Variants in WRN observed in about 807,000 individuals in gnomAD.
WRN encodes WRN RecQ like helicase.
A neutral mutation model predicts 180.7 loss-of-function variants in WRN; 149 were observed. The ratio of observed to expected loss-of-function variants is 0.82; its 90% CI spans 0.72 to 0.94. The LOEUF (loss-of-function observed/expected upper bound fraction) is 0.94. Ranked by LOEUF, WRN falls within the 40% of genes least tolerant of loss-of-function variation. The pLI is 0.00. For missense variants in WRN, 1,661 were observed against 1,700.1 expected, an observed-to-expected ratio of 0.98 and a Z score of 0.40; for synonymous variants, 548 against 568.9, an observed-to-expected ratio of 0.96 and a Z score of 0.52.
intron 1 of WRN, among the ~76,000 whole-genome samples, chr8:31,036,734 G>A (rs1811465755): frequency 6.6e-6 from 1 of 151,974 alleles, no homozygotes; most frequent in Non-Finnish European, 1.5e-5. Flanking sequence ...TGAGTTGTTT[G>A]ACATCCTTAA....
chr8:31,131,160 C>CTTTTTTTTTT (rs71206302), intron 23 of WRN, among the ~76,000 whole-genome samples: 1,258 of 106,796 alleles, frequency 0.012, 53 homozygotes, highest in African/African-American at 0.04. Context: ...TTGCAACTTT[C>CTTTTTTTTTT]TTTTTTTTTG....
chr8:31,091,777 T>C, intron 15 of WRN, 53 bp from the exon 16 acceptor site: 1 of 1,431,958 alleles, frequency 7.0e-7, no homozygotes. Context: ...AAGAGTGAAA[T>C]TGATATGTGT....
chr8:31,087,755 AG>A lies in WRN; in HGVS notation c.1432-20del. 6.2e-7 allele frequency: 1 copy of A among 1,610,702 alleles called. No homozygotes were observed. Among genetic ancestry groups the A allele is most frequent in the Non-Finnish European group, 8.5e-7 (1 of 1,177,528 alleles). ...GACACTGTCAGTGGTTTTGCTTTTA[AG>A]ATTTCTTTTAAACTTTCAGTCTTTA... On this transcript the variant is annotated intron_variant, in intron 11 of 34. Coordinates refer to ENST00000298139, the MANE Select transcript of WRN (RefSeq NM_000553.6).
At chr8:31,162,214 C>A (rs990239295) in intron 33 of WRN, among the ~76,000 whole-genome samples, 1 of 152,128 alleles carries the variant, frequency 6.6e-6, no homozygotes, top group Non-Finnish European at 1.5e-5. Context: ...ACATATTGTA[C>A]AGCTATACAA....
At chr8:31,155,447 C>A (rs928346437) in intron 32 of WRN, among the ~76,000 whole-genome samples, 1 of 151,842 alleles carries the variant, frequency 6.6e-6, no homozygotes, top group Non-Finnish European at 1.5e-5. Flanking sequence ...CATAGGGAGA[C>A]CCTGTCTTTA....
chr8:31,118,846 C>A (rs1054052399), intron 20 of WRN, among the ~76,000 whole-genome samples: 2 of 151,792 alleles, frequency 1.3e-5, no homozygotes, highest in Non-Finnish European at 2.9e-5. Flanking sequence ...TTTCATTTCC[C>A]CTTTCAAGAT....
Position 31,085,332 on chromosome 8 carries a change from G to T in WRN, c.1431+86G>T, listed in dbSNP as rs1813488707. 4 of 1,424,304 alleles carry T rather than the reference G, an allele frequency of 2.8e-6. No individual in the cohort carries two copies. The Admixed American group carries it at 5.5e-5, about 20-fold the overall frequency. 88.2% of individuals were successfully genotyped at this position (1,424,304 alleles called of 1,614,324 possible). A position where few individuals can be genotyped will look rare whatever the true frequency, so the allele number is the denominator to read the frequency against. ...AAAATATTAACTAATTCTAAACCAGGTTCCACCACAATGAAATTGCTACTA... is the reference window on the plus strand; with the variant it reads ...AAAATATTAACTAATTCTAAACCAGTTTCCACCACAATGAAATTGCTACTA... On this transcript the variant is annotated intron_variant, in intron 11 of 34. Coordinates refer to ENST00000298139, the MANE Select transcript of WRN (RefSeq NM_000553.6).
intron 31 of WRN, 124 bp from the exon 32 acceptor site, chr8:31,154,500 G>A (rs2130469111): frequency 8.7e-7 from 1 of 1,150,144 alleles, no homozygotes; most frequent in Non-Finnish European, 1.2e-6. Flanking sequence ...CCATAAAAAG[G>A]GAATTATTTG....
chr8:31,100,944 G>A lies in WRN; in HGVS notation c.2077G>A (p.Ala693Thr), dbSNP rs2130230065. Residue 693 changes from alanine (A) to threonine (T), a missense_variant, in exon 18 of 35, where the codon GCA (alanine) becomes ACA (threonine). By Grantham distance (58) the Ala-to-Thr change is moderately conservative. This residue lies in a region of WRN where 1,141 missense variants were observed against 1,149.4 expected (regional missense o/e 0.99). Coordinates refer to ENST00000298139, the MANE Select transcript of WRN (RefSeq NM_000553.6). ...SFRKLGSLKT[A>T]LPMVPIVALT... The stretch of plus-strand genomic sequence containing the variant: ...CAGGAAGTTGGGCTCCCTAAAGACA[G>A]CACTGCCAATGGTAAGCTTTGCCAA... 6.2e-7 allele frequency: 1 copy of A among 1,613,718 alleles called. No homozygotes were observed.
intron 7 of WRN, among the ~76,000 whole-genome samples, chr8:31,071,724 C>T (rs915640495): frequency 2.0e-5 from 3 of 152,144 alleles, no homozygotes; most frequent in Non-Finnish European, 2.9e-5. Flanking sequence ...TCAAGTCTTC[C>T]GCCCACCTCA....
At chr8:31,143,167 T>C (rs906305367) in intron 27 of WRN, among the ~76,000 whole-genome samples, 1 of 152,104 alleles carries the variant, frequency 6.6e-6, no homozygotes, top group African/African-American at 2.4e-5. Context: ...ACTAATCCAC[T>C]GGCAGACTTC....
At chr8:31,145,010 T>C (rs914520837) in intron 28 of WRN, among the ~76,000 whole-genome samples, 1 of 152,126 alleles carries the variant, frequency 6.6e-6, no homozygotes, top group African/African-American at 2.4e-5. Context: ...AGAATAAAAG[T>C]TTGAGGCCAG....
intron 24 of WRN, among the ~76,000 whole-genome samples, chr8:31,139,841 G>A (rs1292062763): frequency 6.6e-6 from 1 of 151,986 alleles, no homozygotes; most frequent in African/African-American, 2.4e-5. Context: ...TAGCTGAAAG[G>A]GAGTTTGAGA....
Position 31,083,738 on chromosome 8 carries a change from G to A in WRN, c.1309G>A (p.Val437Ile), listed in dbSNP as rs562250010. ...TGATAATGAAAACGATACGTCCTATGTAATTGAGAGTGATGAAGATTTAGA... is the reference window on the plus strand; with the variant it reads ...TGATAATGAAAACGATACGTCCTATATAATTGAGAGTGATGAAGATTTAGA... ...PNDNENDTSY[V>I]IESDEDLEME... The change falls in exon 10 of 35, where the codon GTA (valine) becomes ATA (isoleucine). Residue 437 changes from valine to isoleucine, a missense_variant. Val to Ile is a conservative substitution (Grantham distance 29). Around this residue, in one of 3 missense-constraint regions of WRN, gnomAD observed 500 missense variants for 504.1 expected, o/e 0.99. Transcript: ENST00000298139. 4.7e-5 allele frequency: 76 copies of A among 1,610,962 alleles called. No homozygotes were observed. In the South Asian group the frequency reaches 7.4e-4, roughly 16 times the overall value.
intron 28 of WRN, among the ~76,000 whole-genome samples, chr8:31,144,488 G>C (rs11574348): frequency 0.069 from 10,503 of 151,778 alleles, 423 homozygotes; most frequent in African/African-American, 0.091. Flanking sequence ...GGCGCCCCCC[G>C]ATCATGTCTG....
chr8:31,055,392 A>T (rs1344947747), intron 1 of WRN, among the ~76,000 whole-genome samples: 1 of 152,134 alleles, frequency 6.6e-6, no homozygotes, highest in East Asian at 1.9e-4. Context: ...ATTTCTCCAT[A>T]GCCTTGCCAG....
At chr8:31,067,404 A>G (rs576315235) in intron 6 of WRN, among the ~76,000 whole-genome samples, 7 of 152,312 alleles carry the variant, frequency 4.6e-5, no homozygotes, top group African/African-American at 1.7e-4. Context: ...GTTTATTTTC[A>G]TTGTCATGAA....
chr8:31,095,826 C>T (rs188584529), intron 16 of WRN, among the ~76,000 whole-genome samples: 1 of 152,280 alleles, frequency 6.6e-6, no homozygotes, highest in East Asian at 1.9e-4. Flanking sequence ...TCTTGCTTTG[C>T]TCTTTTCTTT....
chr8:31,096,770 G>T lies in WRN; in HGVS notation c.1901G>T (p.Gly634Val). The change falls in exon 17 of 35, where the codon GGT becomes GTT. Residue 634 changes from glycine to valine, a missense_variant and splice_region_variant. Transcript: ENST00000298139. ...TTTTCTTTTGTTTGTTTTTACAGAG[G>T]TAAATACCGGATTGTATACGTAACT... is the stretch of plus-strand genomic sequence containing the variant. ...SENVLTDIKL[G>V]KYRIVYVTPE... is the part of the protein sequence containing the mutation. The T allele has an allele frequency of 6.2e-7, 1 of 1,608,152 alleles. No individual in the cohort carries two copies. The highest frequency in any genetic ancestry group is 8.5e-7 in the Non-Finnish European group (1 of 1,178,388).
Sources: allele counts gnomAD v4.1 joint callset (sites outside exome capture counted in the v4.1 genomes callset), GRCh38; gene constraint gnomAD v4.1.1; regional missense constraint gnomAD v4.1.1; transcripts MANE v1.5; gene names NCBI Gene and HGNC (gene_info 2026-07-23, HGNC 2026-07-21).